The following PDE6D variants were observed in gnomAD, a reference collection of about 807,000 sequenced individuals.
PDE6D encodes the protein phosphodiesterase 6D.
A neutral mutation model predicts 21.9 loss-of-function variants in PDE6D; 10 were observed. That is an observed-to-expected ratio of 0.46 (90% CI 0.28 to 0.78). PDE6D has a LOEUF of 0.78. PDE6D is among the 30% of genes least tolerant of loss of function. The pLI is 0.12. For synonymous variants in PDE6D, 59 were observed against 63.5 expected, an observed-to-expected ratio of 0.93 and a Z score of 0.34; for missense variants, 139 against 184.8, an observed-to-expected ratio of 0.75 and a Z score of 1.44.
rs923381202 is a variant in PDE6D, at chr2:231,739,646, T to G, written c.51-458A>C. Reference sequence around the variant, plus strand: ...TGTAGTGGCCCCCTCTGTTTTTTTTTTTTGAAACAGAGTCTCACTCTGTCA... The same window carrying G: ...TGTAGTGGCCCCCTCTGTTTTTTTTGTTTGAAACAGAGTCTCACTCTGTCA... On this transcript the variant is annotated intron_variant, in intron 1 of 4. Coordinates refer to ENST00000287600, the MANE Select transcript of PDE6D (RefSeq NM_002601.4). This position sits in a 1 kb window ranked among gnomAD's most constrained non-coding sequence, Gnocchi z 4.2. Among the ~76,000 whole-genome samples, 33 of 151,688 alleles carry G rather than the reference T, an allele frequency of 2.2e-4. No homozygotes were observed. The highest frequency in any genetic ancestry group is 7.8e-4 in the African/African-American group (32 of 41,234).
chr2:231,779,457 G>A (rs1407764516), intron 1 of PDE6D: 2 of 149,180 alleles, frequency 1.3e-5, no homozygotes, highest in African/African-American at 4.9e-5. Flanking sequence ...AGATGAAAAC[G>A]TTGCTTCTGA....
chr2:231,767,879 C>T (rs559818679), intron 1 of PDE6D, among the ~76,000 whole-genome samples: 1 of 150,422 alleles, frequency 6.6e-6, no homozygotes, highest in East Asian at 2.0e-4. Flanking sequence ...TGCTCTGTGG[C>T]CCAGAGTGGA....
intron 1 of PDE6D, among the ~76,000 whole-genome samples, chr2:231,776,105 G>C (rs1039072317): frequency 6.6e-6 from 1 of 152,022 alleles, no homozygotes; most frequent in African/African-American, 2.4e-5. Context: ...TGGGAGGCCT[G>C]AGGTCAGGAG....
rs561664640 is a variant in PDE6D at position 231,748,832 on chromosome 2, C to G, written c.51-9644G>C. Among the ~76,000 whole-genome samples the G allele has an allele frequency of 1.4e-4, 22 of 152,332 alleles. 2 individuals carry two copies. In the South Asian group the frequency reaches 4.1e-3, roughly 29 times the overall value. On this transcript the variant is annotated intron_variant, in intron 1 of 4. Coordinates refer to ENST00000287600, the MANE Select transcript of PDE6D (RefSeq NM_002601.4). ...CTGTGGCTTCAGAGGGTGGAGGACC[C>G]AAGCCTTAGCAGCTTCCATGTGGTG...
chr2:231,749,968 T>C (rs1010467632), intron 1 of PDE6D, among the ~76,000 whole-genome samples: 18 of 152,070 alleles, frequency 1.2e-4, no homozygotes, highest in African/African-American at 4.1e-4. Flanking sequence ...CAGAATGATA[T>C]GGTTTGGCTA....
intron 1 of PDE6D, among the ~76,000 whole-genome samples, chr2:231,762,338 GC>G (rs1322684421): frequency 8.4e-6 from 1 of 119,214 alleles, no homozygotes; most frequent in Non-Finnish European, 1.7e-5. Context: ...AAGGACTAAC[GC>G]TTTTTTTTTT....
At chr2:231,734,228 A>T (rs753132084) in intron 4 of PDE6D, among the ~76,000 whole-genome samples, 61 of 152,158 alleles carry the variant, frequency 4.0e-4, no homozygotes, top group Admixed American at 1.3e-3. Flanking sequence ...AAAATAAAAA[A>T]AAATAAAAAA....
At position 231,739,292 on chromosome 2, in the gene PDE6D, A is replaced by G; in HGVS notation, c.51-104T>C. ...CCACCAACTCTTGTTTACTTTTTAA[A>G]AAGTTTGTCAAACTGCTCATTGCCA... On this transcript the variant is annotated intron_variant, in intron 1 of 4. Coordinates refer to ENST00000287600, the MANE Select transcript of PDE6D (RefSeq NM_002601.4). This position sits in a 1 kb window ranked among gnomAD's most constrained non-coding sequence, Gnocchi z 4.2. 1 of 792,026 alleles carries G rather than the reference A, an allele frequency of 1.3e-6. No individual in the cohort carries two copies. The highest frequency in any genetic ancestry group is 2.5e-5 in the East Asian group (1 of 40,746). The allele number at this position is 792,026 out of a possible 1,614,324, so 49.1% of individuals were successfully genotyped here.
intron 1 of PDE6D, among the ~76,000 whole-genome samples, chr2:231,765,827 A>G (rs969281301): frequency 1.3e-5 from 2 of 151,572 alleles, no homozygotes; most frequent in African/African-American, 4.9e-5. Flanking sequence ...ATCTTTTCAC[A>G]CTTTGCCTTT....
chr2:231,757,910 A>G (rs1479146097), intron 1 of PDE6D, among the ~76,000 whole-genome samples: 1 of 152,118 alleles, frequency 6.6e-6, no homozygotes, highest in Non-Finnish European at 1.5e-5. Flanking sequence ...CAGCACATAT[A>G]CTAAAATTGG....
At chr2:231,750,660 ATTTTTTTTTTTTT>A (rs561604556) in intron 1 of PDE6D, among the ~76,000 whole-genome samples, 2 of 92,118 alleles carry the variant, frequency 2.2e-5, no homozygotes, top group East Asian at 2.8e-4. Context: ...TGCTCATCTA[ATTTTTTTTTTTTT>A]TTTTTTTTTT....
intron 1 of PDE6D, among the ~76,000 whole-genome samples, chr2:231,764,779 A>G (rs894796941): frequency 2.0e-5 from 3 of 152,196 alleles, no homozygotes; most frequent in African/African-American, 7.2e-5. Flanking sequence ...GAGTACCATG[A>G]ATATATTAGT....
chr2:231,756,950 C>T (rs1267843137), intron 1 of PDE6D, among the ~76,000 whole-genome samples: 1 of 151,830 alleles, frequency 6.6e-6, no homozygotes, highest in Non-Finnish European at 1.5e-5. Flanking sequence ...AATCTAACCT[C>T]GCTTCCAGAT....
At chr2:231,736,783 A>G (rs1299305908) in intron 4 of PDE6D, among the ~76,000 whole-genome samples, 3 of 152,204 alleles carry the variant, frequency 2.0e-5, no homozygotes, top group African/African-American at 7.2e-5. Flanking sequence ...GATTCGGTAT[A>G]TATATTAAAT....
chr2:231,768,307 T>G (rs1313313152), intron 1 of PDE6D, among the ~76,000 whole-genome samples: 1 of 152,196 alleles, frequency 6.6e-6, no homozygotes, highest in East Asian at 1.9e-4. Flanking sequence ...TGAAACACTT[T>G]CCTTCCTCTG....
chr2:231,771,913 A>AT (rs1360479785), intron 1 of PDE6D, among the ~76,000 whole-genome samples: 2 of 152,242 alleles, frequency 1.3e-5, no homozygotes, highest in African/African-American at 4.8e-5. Context: ...ATCTACTGTA[A>AT]TACACATTTG....
intron 4 of PDE6D, among the ~76,000 whole-genome samples, chr2:231,734,124 G>A (rs1165310932): frequency 6.6e-6 from 1 of 151,944 alleles, no homozygotes; most frequent in Middle Eastern, 3.2e-3. Context: ...TGAGGCAGGA[G>A]AATGGTGGGA....
chr2:231,772,142 T>C lies in PDE6D; in HGVS notation c.50+8923A>G, dbSNP rs189523601. Among the ~76,000 whole-genome samples, 1,148 of 152,342 alleles carry C rather than the reference T, an allele frequency of 7.5e-3. 15 individuals are homozygous for C. The highest frequency in any genetic ancestry group is 0.026 in the African/African-American group (1,086 of 41,582). ...TTCCTCTTTAGAACAGTTGTTTTTT[T>C]TTTTTAACTTTAGAAGAGAATACTC... On this transcript the variant is annotated intron_variant, in intron 1 of 4. Coordinates refer to ENST00000287600, the MANE Select transcript of PDE6D (RefSeq NM_002601.4).
intron 1 of PDE6D, among the ~76,000 whole-genome samples, chr2:231,750,282 A>T (rs968148823): frequency 6.6e-6 from 1 of 152,184 alleles, no homozygotes; most frequent in African/African-American, 2.4e-5. Flanking sequence ...CTTTATCAGC[A>T]GTGTTAAAAC....
Sources: allele counts gnomAD v4.1 joint callset (sites outside exome capture counted in the v4.1 genomes callset), GRCh38; gene constraint gnomAD v4.1.1; non-coding constraint Gnocchi (gnomAD v3.1); transcripts MANE v1.5; gene names NCBI Gene and HGNC (gene_info 2026-07-23, HGNC 2026-07-21).